The following BCKDHA variants were observed in gnomAD, a reference collection of about 807,000 sequenced individuals.
BCKDHA encodes the protein branched chain keto acid dehydrogenase E1 subunit alpha, also known as 2-oxoisovalerate dehydrogenase subunit alpha, mitochondrial.
In BCKDHA, 43 loss-of-function variants were observed where a neutral mutation model predicts 52.2. The observed-to-expected ratio is 0.82, with a 90% CI of 0.64 to 1.06. BCKDHA has a LOEUF of 1.06. BCKDHA is among the 50% of genes least tolerant of loss of function. The probability of loss-of-function intolerance (pLI) is 0.00; values close to 1 mark genes in which losing one functional copy is unlikely to be tolerated. For synonymous variants in BCKDHA, 234 were observed against 247.9 expected, an observed-to-expected ratio of 0.94 and a Z score of 0.53; for missense variants, 527 against 621.3, an observed-to-expected ratio of 0.85 and a Z score of 1.61.
rs2039337230 is a variant in BCKDHA at position 41,419,147 on chromosome 19, A to T, written c.497A>T (p.Tyr166Phe). The change falls in exon 5 of 9, where the codon TAT (tyrosine) becomes TTT (phenylalanine). Residue 166 changes from tyrosine (Y) to phenylalanine (F), a missense_variant. Physicochemically the swap from Tyr to Phe is conservative, Grantham distance 22 (BLOSUM62 3). Transcript: ENST00000269980. ...GQYREAGVLM[Y>F]RDYPLELFMA... ...CCTCCCCTCCTAGGTGTGCTGATGTATCGGGACTACCCCCTGGAACTATTC... is the reference window on the plus strand; with the variant it reads ...CCTCCCCTCCTAGGTGTGCTGATGTTTCGGGACTACCCCCTGGAACTATTC... 2.5e-6 allele frequency: 4 copies of T among 1,614,056 alleles called. No homozygotes were observed. Among genetic ancestry groups the T allele is most frequent in the Non-Finnish European group, 3.4e-6 (4 of 1,180,030 alleles).
intron 1 of BCKDHA, among the ~76,000 whole-genome samples, chr19:41,407,156 T>C (rs2039202584): frequency 6.6e-6 from 1 of 152,212 alleles, no homozygotes; most frequent in African/African-American, 2.4e-5. Flanking sequence ...TTTTTCTCTC[T>C]CTTACCAAGT....
At chr19:41,413,905 ACCCCAGCATGG>A in intron 3 of BCKDHA, 133 bp from the exon 4 acceptor site, 1 of 735,542 alleles carries the variant, frequency 1.4e-6, no homozygotes, top group Non-Finnish European at 2.4e-6. Flanking sequence ...AAAGGCAGGA[ACCCCAGCATGG>A]CCTGGCCCAG....
At chr19:41,401,145 T>G (rs1056807600) in intron 1 of BCKDHA, among the ~76,000 whole-genome samples, 5 of 151,974 alleles carry the variant, frequency 3.3e-5, no homozygotes, top group Non-Finnish European at 7.4e-5. Flanking sequence ...GGCATGATCT[T>G]GGCTCACCAC....
chr19:41,401,365 C>A (rs527600238), intron 1 of BCKDHA, among the ~76,000 whole-genome samples: 1 of 152,252 alleles, frequency 6.6e-6, no homozygotes, highest in African/African-American at 2.4e-5. Flanking sequence ...TGTGAGCCAC[C>A]ATGCCTGGCT....
chr19:41,407,183 G>C (rs1002465796), intron 1 of BCKDHA, among the ~76,000 whole-genome samples: 1 of 152,012 alleles, frequency 6.6e-6, no homozygotes, highest in Non-Finnish European at 1.5e-5. Flanking sequence ...TATGTAATAC[G>C]TCCCAGATCG....
chr19:41,418,534 A>ATT lies in BCKDHA; in HGVS notation c.485-588_485-587dup, dbSNP rs112542121. On this transcript the variant is annotated intron_variant, in intron 4 of 8. Coordinates refer to ENST00000269980, the MANE Select transcript of BCKDHA (RefSeq NM_000709.4). ...TGCTGTTATTTGGTTCATAATGATGATTTTTTTTTTTTTTCGAGACAGGGT... is the reference window on the plus strand; with the variant it reads ...TGCTGTTATTTGGTTCATAATGATGATTTTTTTTTTTTTTTTCGAGACAGGGT... Among the ~76,000 whole-genome samples, 947 of 145,424 alleles carry ATT rather than the reference A, an allele frequency of 6.5e-3. 7 individuals are homozygous for ATT. Among genetic ancestry groups the ATT allele is most frequent in the African/African-American group, 0.018 (707 of 39,446 alleles).
chr19:41,414,204 A>G (rs1599955523), intron 4 of BCKDHA, 47 bp downstream of exon 4: 5 of 1,567,310 alleles, frequency 3.2e-6, no homozygotes, highest in East Asian at 2.2e-5. Flanking sequence ...TGAAGTGTAC[A>G]CTTTAGTTTT....
intron 4 of BCKDHA, chr19:41,418,583 G>C: frequency 3.0e-6 from 1 of 337,046 alleles, no homozygotes; most frequent in Non-Finnish European, 5.8e-6. Flanking sequence ...CCAGATTGGA[G>C]TGCAGTGGCA....
intron 5 of BCKDHA, among the ~76,000 whole-genome samples, chr19:41,420,359 G>A (rs932122727): frequency 5.9e-5 from 9 of 152,108 alleles, no homozygotes; most frequent in African/African-American, 1.9e-4. Flanking sequence ...TGTTTTGTGT[G>A]TGTGTGAGAG....
intron 4 of BCKDHA, 109 bp downstream of exon 4, chr19:41,414,266 G>C: frequency 9.1e-7 from 1 of 1,093,052 alleles, no homozygotes; most frequent in Admixed American, 2.0e-5. Context: ...TAAGGAGCTG[G>C]AAGAAGAGCT....
intron 3 of BCKDHA, among the ~76,000 whole-genome samples, chr19:41,413,295 C>T (rs1481179959): frequency 2.0e-5 from 3 of 152,312 alleles, no homozygotes; most frequent in East Asian, 3.9e-4. Context: ...ATGGCCACCT[C>T]TGGCTGCAAG....
chr19:41,411,033 CG>C, intron 3 of BCKDHA, 24 bp downstream of exon 3: 6 of 1,611,932 alleles, frequency 3.7e-6, no homozygotes, highest in Non-Finnish European at 5.1e-6. Flanking sequence ...GGACTAGGGG[CG>C]GGGGGCTGGA....
chr19:41,422,422 C>A, intron 6 of BCKDHA, 52 bp downstream of exon 6: 1 of 1,605,828 alleles, frequency 6.2e-7, no homozygotes, highest in Non-Finnish European at 8.5e-7. Context: ...CTCCTTCCCT[C>A]CCCAATCCTG....
At chr19:41,416,493 C>T (rs558318335) in intron 4 of BCKDHA, among the ~76,000 whole-genome samples, 1 of 152,310 alleles carries the variant, frequency 6.6e-6, no homozygotes, top group Non-Finnish European at 1.5e-5. Flanking sequence ...GGAGTGGAGC[C>T]GAGTCTTTTT....
chr19:41,422,228 C>T lies in BCKDHA; in HGVS notation c.711C>T (p.Gly237=), dbSNP rs935155164. Residue 237 remains glycine (G), a synonymous_variant, in exon 6 of 9, where the codon GGC becomes GGT. Transcript: ENST00000269980. ...ACAGGGTCGTCATCTGTTACTTCGG[C>T]GAGGGGGCAGCCAGTGAGGGGGACG... is the stretch of plus-strand genomic sequence containing the variant. ...NANRVVICYF[G]EGAASEGDAH... 1.5e-5 allele frequency: 24 copies of T among 1,614,142 alleles called. No individual in the cohort carries two copies. The highest frequency in any genetic ancestry group is 1.9e-5 in the Non-Finnish European group (22 of 1,180,002).
intron 1 of BCKDHA, among the ~76,000 whole-genome samples, chr19:41,398,840 C>A (rs1276685938): frequency 1.3e-5 from 2 of 152,026 alleles, no homozygotes; most frequent in African/African-American, 4.8e-5. Flanking sequence ...CCTTGGCCAA[C>A]GGACTGCACT....
intron 4 of BCKDHA, chr19:41,418,616 TG>T (rs1428489629): frequency 2.7e-6 from 1 of 375,378 alleles, no homozygotes; most frequent in Non-Finnish European, 5.2e-6. Context: ...CCTGCAGCCT[TG>T]AACTTCTGGG....
chr19:41,406,655 C>T (rs149784669), intron 1 of BCKDHA, among the ~76,000 whole-genome samples: 2,343 of 152,086 alleles, frequency 0.015, 60 homozygotes, highest in African/African-American at 0.052. Context: ...CTGCAACATC[C>T]GCCTCCCAGG....
chr19:41,400,576 G>A (rs540292716), intron 1 of BCKDHA, among the ~76,000 whole-genome samples: 4 of 152,036 alleles, frequency 2.6e-5, no homozygotes, highest in African/African-American at 9.6e-5. Context: ...TAGAGATGGG[G>A]TTTTGCCATG....
Sources: gnomAD v4.1 joint callset for allele counts (sites outside exome capture counted in the v4.1 genomes callset) on GRCh38, gnomAD v4.1.1 for gene constraint, MANE v1.5 for transcripts, NCBI Gene and HGNC (gene_info 2026-07-23, HGNC 2026-07-21) for gene names.